Variants in TG observed in about 807,000 individuals in gnomAD.
TG encodes the protein thyroglobulin.
In TG, 270 loss-of-function variants were observed where a neutral mutation model predicts 324.7. That is an observed-to-expected ratio of 0.83 (90% CI 0.75 to 0.92). TG has a LOEUF of 0.92. TG is among the 40% of genes least tolerant of loss of function. The pLI is 0.00. For synonymous variants in TG, 1,401 were observed against 1,327.0 expected (o/e 1.06, Z -1.21); for missense variants, 3,591 against 3,456.4 (o/e 1.04, Z -0.98).
intron 14 of TG, 23 bp downstream of exon 14, chr8:132,898,933 T>C (rs1480982863): frequency 3.7e-6 from 6 of 1,601,502 alleles, no homozygotes; most frequent in South Asian, 1.1e-5. Flanking sequence ...AAGCACAGGA[T>C]TGGAGCCGGG....
intron 4 of TG, among the ~76,000 whole-genome samples, chr8:132,872,360 C>A (rs540053719): frequency 2.0e-5 from 3 of 151,650 alleles, no homozygotes; most frequent in African/African-American, 7.3e-5. Flanking sequence ...CACCTGTAGT[C>A]CCAGCTACTC....
At chr8:132,893,601 T>A in intron 10 of TG, 89 bp from the exon 11 acceptor site, 7 of 1,577,930 alleles carry the variant, frequency 4.4e-6, no homozygotes, top group Non-Finnish European at 6.1e-6. Context: ...GGTGTGTATG[T>A]GTGTGCGTGA....
rs776192234 is a variant in TG, at chr8:132,941,458, C to T, written c.5149C>T (p.Leu1717=). The change falls in exon 26 of 48, where the codon CTA becomes TTA. Residue 1717 remains leucine (L), a synonymous_variant. Coordinates refer to ENST00000220616, the MANE Select transcript of TG (RefSeq NM_003235.5). ...TGTGTTCTCAGCCTCAGGAGCCAAT[C>T]TAACCGATGCTCACCTCTTCTGTCT... is the stretch of plus-strand genomic sequence containing the variant. ...PIVFSASGAN[L]TDAHLFCLLA... 1 of 1,614,210 alleles carries T rather than the reference C, an allele frequency of 6.2e-7. No individual in the cohort carries two copies. The highest frequency in any genetic ancestry group is 8.5e-7 in the Non-Finnish European group (1 of 1,180,040).
chr8:132,908,429 G>A, intron 18 of TG, 89 bp downstream of exon 18: 1 of 929,208 alleles, frequency 1.1e-6, no homozygotes, highest in African/African-American at 1.4e-5. Context: ...TTAACACAGA[G>A]GCTGGAGACA....
chr8:132,968,036 A>T, intron 31 of TG, 66 bp downstream of exon 31: 1 of 1,565,902 alleles, frequency 6.4e-7, no homozygotes, highest in South Asian at 1.1e-5. Flanking sequence ...TGGTTTTAGA[A>T]AGATCCACAT....
intron 41 of TG, chr8:133,039,857 C>G: frequency 2.1e-6 from 3 of 1,422,112 alleles, no homozygotes; most frequent in Non-Finnish European, 9.4e-7. Flanking sequence ...GGTGCTCACC[C>G]CCCAGTTTCA....
chr8:133,038,505 C>T (rs1260659620), intron 41 of TG: 5 of 1,572,082 alleles, frequency 3.2e-6, no homozygotes, highest in Non-Finnish European at 4.4e-6. Flanking sequence ...TGGGCATGAA[C>T]CATTGTGTCT....
At chr8:132,902,120 T>C (rs1445626577) in intron 16 of TG, among the ~76,000 whole-genome samples, 1 of 152,152 alleles carries the variant, frequency 6.6e-6, no homozygotes, top group African/African-American at 2.4e-5. Context: ...TTAAAAGTTA[T>C]GTGAGTAGGT....
At position 133,113,600 on chromosome 8, in the gene TG, C is replaced by T. The variant is rs775853858; in HGVS notation, c.7751C>T (p.Thr2584Ile). The T allele has an allele frequency of 1.2e-6, 2 of 1,613,912 alleles. No individual in the cohort carries two copies. Among genetic ancestry groups the T allele is most frequent in the South Asian group, 2.2e-5 (2 of 91,046 alleles). The change falls in exon 44 of 48, where the codon ACC becomes ATC. Residue 2584 changes from threonine to isoleucine, a missense_variant. By Grantham distance (89) the Thr-to-Ile change is moderately conservative. Coordinates refer to ENST00000220616, the MANE Select transcript of TG (RefSeq NM_003235.5). The stretch of plus-strand genomic sequence containing the variant: ...TTCTCCCGGGCTCTGGAGAATGCCA[C>T]CCGGTAAGCTAAGCTGCAGGAGGGT... ...ASFSRALENA[T>I]RDYFIICPII...
chr8:132,911,391 C>T lies in TG; in HGVS notation c.4017C>T (p.Gly1339=), dbSNP rs950287439. 3 of 1,614,074 alleles carry T rather than the reference C, an allele frequency of 1.9e-6. No homozygotes were observed. Among genetic ancestry groups the T allele is most frequent in the African/African-American group, 2.7e-5 (2 of 74,924 alleles). The part of the protein sequence containing the change: ...GFCQIQVKTF[G]TLVSIPVCNN... ...TCTTCTTGTAGGTGAAGACTTTTGG[C>T]ACCCTGGTTTCCATTCCTGTCTGCA... The change falls in exon 19 of 48, where the codon GGC becomes GGT. Residue 1339 remains glycine, a synonymous_variant. Coordinates refer to ENST00000220616, the MANE Select transcript of TG (RefSeq NM_003235.5).
chr8:133,066,539 T>C (rs1843068303), intron 41 of TG, among the ~76,000 whole-genome samples: 1 of 152,224 alleles, frequency 6.6e-6, no homozygotes, highest in Admixed American at 6.5e-5. Context: ...AAATTTCTTA[T>C]TTACTTACAC....
intron 35 of TG, among the ~76,000 whole-genome samples, chr8:132,987,075 A>G (rs1386610574): frequency 6.6e-6 from 1 of 152,018 alleles, no homozygotes; most frequent in Admixed American, 6.6e-5. Context: ...AAAAAAAAAG[A>G]TGGAGCATGG....
chr8:133,036,950 A>G (rs1837219702), intron 41 of TG: 1 of 152,350 alleles, frequency 6.6e-6, no homozygotes, highest in Non-Finnish European at 1.5e-5. Context: ...TGTTACATTC[A>G]TTTCTCATAC....
intron 3 of TG, among the ~76,000 whole-genome samples, chr8:132,871,049 T>C: frequency 6.6e-6 from 1 of 152,148 alleles, no homozygotes; most frequent in East Asian, 1.9e-4. Context: ...TGGAGAAAAC[T>C]GGACTCAGAA....
chr8:133,090,327 G>A (rs1056463612), intron 41 of TG, among the ~76,000 whole-genome samples: 1 of 152,210 alleles, frequency 6.6e-6, no homozygotes, highest in African/African-American at 2.4e-5. Flanking sequence ...GAACACCTGG[G>A]TTCAGGTTCT....
chr8:132,955,420 C>T (rs1826710085), intron 27 of TG, among the ~76,000 whole-genome samples: 1 of 152,184 alleles, frequency 6.6e-6, no homozygotes, highest in South Asian at 2.1e-4. Context: ...TTGTCAAAAT[C>T]AGATGAACAA....
At chr8:132,996,710 G>A (rs73708810) in intron 35 of TG, among the ~76,000 whole-genome samples, 2,566 of 152,280 alleles carry the variant, frequency 0.017, 50 homozygotes, top group African/African-American at 0.057. Context: ...GAAGAAGTAG[G>A]CATTTAGAGG....
At chr8:133,102,130 G>T (rs963315826) in intron 43 of TG, among the ~76,000 whole-genome samples, 1 of 152,212 alleles carries the variant, frequency 6.6e-6, no homozygotes, top group Non-Finnish European at 1.5e-5. Flanking sequence ...ATTAAGATTA[G>T]TGTCCAAAGC....
rs375402304 is a variant in TG, at chr8:132,919,559, G to A, written c.4528+34G>A. 1.4e-5 allele frequency: 22 copies of A among 1,611,962 alleles called. 1 individual carries two copies. Among genetic ancestry groups the A allele is most frequent in the East Asian group, 1.3e-4 (6 of 44,880 alleles). ...TGTGGAGTGCTTCTTTGAAAGAAAAGCCCTGCAATGAAATGGAACTCAACA... is the reference window on the plus strand; with the variant it reads ...TGTGGAGTGCTTCTTTGAAAGAAAAACCCTGCAATGAAATGGAACTCAACA... On this transcript the variant is annotated intron_variant, in intron 21 of 47. Coordinates refer to ENST00000220616, the MANE Select transcript of TG (RefSeq NM_003235.5).
Sources: allele counts gnomAD v4.1 joint callset (sites outside exome capture counted in the v4.1 genomes callset), GRCh38; gene constraint gnomAD v4.1.1; transcripts MANE v1.5; gene names NCBI Gene and HGNC (gene_info 2026-07-23, HGNC 2026-07-21).